Variants in TEP1 observed in about 807,000 individuals in gnomAD.
TEP1 encodes telomerase protein component 1.
Under a neutral mutation model 306.3 loss-of-function variants are expected in TEP1, and 241 were observed. That is an observed-to-expected ratio of 0.79 (90% CI 0.71 to 0.88). The LOEUF (loss-of-function observed/expected upper bound fraction) is 0.88. Ranked by LOEUF, TEP1 falls within the 40% of genes least tolerant of loss-of-function variation. The probability of loss-of-function intolerance (pLI) is 0.00; values close to 1 mark genes in which losing one functional copy is unlikely to be tolerated. For missense variants in TEP1, 3,051 were observed against 3,276.1 expected (o/e 0.93, Z 1.68); for synonymous variants, 1,289 against 1,305.5 (o/e 0.99, Z 0.27).
At position 20,381,667 on chromosome 14, in the gene TEP1, G is replaced by T. The variant is rs1382090800; in HGVS notation, c.4444C>A (p.Leu1482Met). Residue 1482 changes from leucine to methionine, a missense_variant, in exon 31 of 55, where the codon CTG becomes ATG. Physicochemically the swap from Leu to Met is conservative, Grantham distance 15. Around this residue, in one of 3 missense-constraint regions of TEP1, gnomAD observed 1,540 missense variants for 1,705.9 expected, o/e 0.90. Coordinates refer to ENST00000262715, the MANE Select transcript of TEP1 (RefSeq NM_007110.5). This position sits in a 1 kb window ranked among gnomAD's most constrained non-coding sequence, Gnocchi z 4.0. ...CACAGCCGGGCACCAGGGCGCTCCAGAGGGCCCTCCCCTAGCAAACTGTCC... is the reference window on the plus strand; with the variant it reads ...CACAGCCGGGCACCAGGGCGCTCCATAGGGCCCTCCCCTAGCAAACTGTCC... ...SLRSLLGEGPLERPGARLCLP... is the reference protein window; with the variant it reads ...SLRSLLGEGPMERPGARLCLP... 1 of 1,610,040 alleles carries T rather than the reference G, an allele frequency of 6.2e-7. No individual in the cohort carries two copies.
At chr14:20,387,780 A>G (rs1877326202) in intron 18 of TEP1, 125 bp downstream of exon 18, 1 of 1,200,130 alleles carries the variant, frequency 8.3e-7, no homozygotes, top group Non-Finnish European at 1.1e-6. Flanking sequence ...CGCCTGAGAA[A>G]GAGGAAGCAT....
In TEP1 at chr14:20,401,533, AC is replaced by A; in HGVS notation, c.1314del (p.Arg438SerfsTer4). 1 of 1,614,122 alleles carries A rather than the reference AC, an allele frequency of 6.2e-7. No homozygotes were observed. Among genetic ancestry groups the A allele is most frequent in the Non-Finnish European group, 8.5e-7 (1 of 1,180,026 alleles). On this transcript the variant is annotated frameshift_variant, in exon 8 of 55. Coordinates refer to ENST00000262715, the MANE Select transcript of TEP1 (RefSeq NM_007110.5). LOFTEE classifies it high-confidence loss of function. The stretch of plus-strand genomic sequence containing the variant: ...CGCTGAACCAGCTTCTTCAGGGTGA[AC>A]CTTGGAGGATTCTTTTTCTCTGACA... ...DTVSEKKNPPRFTLKKLVQRL... is the reference protein window; with the variant it reads ...DTVSEKKNPPXFTLKKLVQRL...
chr14:20,378,395 C>T lies in TEP1; in HGVS notation c.5493G>A (p.Gly1831=), dbSNP rs1231902624. The T allele has an allele frequency of 3.7e-6, 6 of 1,614,122 alleles. No homozygotes were observed. Among genetic ancestry groups the T allele is most frequent in the Non-Finnish European group, 5.1e-6 (6 of 1,180,044 alleles). The change falls in exon 38 of 55, where the codon GGG becomes GGA. Residue 1831 remains glycine, a synonymous_variant. Coordinates refer to ENST00000262715, the MANE Select transcript of TEP1 (RefSeq NM_007110.5). ...ACCTTCTTACCTTGGTGACTTTGAG[C>T]CCATCCACCTGGAAGAAGCTGATGC... ...AGSISFFQVD[G]LKVTKDLGAP... is the part of the protein sequence containing the mutation.
At position 20,386,760 on chromosome 14, in the gene TEP1, A is replaced by G. The variant is rs1419019898; in HGVS notation, c.2685-137T>C. 5.2e-6 allele frequency: 5 copies of G among 969,468 alleles called. No homozygotes were observed. In the African/African-American group the frequency reaches 6.7e-5, roughly 13 times the overall value. The allele number at this position is 969,468 out of a possible 1,614,324, so 60.1% of individuals were successfully genotyped here. ...GCAGATGGGTGCCCAGCAGGCCTTCAGAGAAGCACCTGCTAGTGGTCTCAA... is the reference window on the plus strand; with the variant it reads ...GCAGATGGGTGCCCAGCAGGCCTTCGGAGAAGCACCTGCTAGTGGTCTCAA... On this transcript the variant is annotated intron_variant, in intron 18 of 54. Coordinates refer to ENST00000262715, the MANE Select transcript of TEP1 (RefSeq NM_007110.5).
At position 20,408,200 on chromosome 14, in the gene TEP1, C is replaced by T. The variant is rs1181765454; in HGVS notation, c.240G>A (p.Gln80=). Reference sequence around the variant, plus strand: ...TCAGGTCAGAAAGTGTGGCCAGGCACTGGTTCTCCAAGGAGAGGATGTCTG... The same window carrying T: ...TCAGGTCAGAAAGTGTGGCCAGGCATTGGTTCTCCAAGGAGAGGATGTCTG... ...AHPDILSLEN[Q]CLATLSDLKT... Residue 80 remains glutamine (Q), a synonymous_variant, in exon 2 of 55, where the codon CAG becomes CAA. Transcript: ENST00000262715. The T allele has an allele frequency of 1.2e-6, 2 of 1,613,262 alleles. No homozygotes were observed. Among genetic ancestry groups the T allele is most frequent in the Non-Finnish European group, 1.7e-6 (2 of 1,179,506 alleles).
intron 21 of TEP1, 93 bp downstream of exon 21, chr14:20,384,892 A>G: frequency 6.3e-7 from 1 of 1,578,512 alleles, no homozygotes; most frequent in Non-Finnish European, 8.6e-7. Flanking sequence ...GCCTCATAGC[A>G]CTCCCCTTCT....
chr14:20,372,398 G>GTC (rs1884902448), intron 49 of TEP1, among the ~76,000 whole-genome samples: 1 of 139,676 alleles, frequency 7.2e-6, no homozygotes, highest in Admixed American at 7.2e-5. Flanking sequence ...GTGTGTGTGT[G>GTC]TGTGTGTGTG....
intron 1 of TEP1, among the ~76,000 whole-genome samples, chr14:20,409,801 A>C (rs904608286): frequency 2.0e-5 from 3 of 152,106 alleles, no homozygotes; most frequent in African/African-American, 7.2e-5. Context: ...CGGGCGGATC[A>C]CAAGGTCAGG....
chr14:20,412,885 C>T (rs981998146), intron 1 of TEP1, among the ~76,000 whole-genome samples: 1 of 151,978 alleles, frequency 6.6e-6, no homozygotes, highest in Non-Finnish European at 1.5e-5. Context: ...GTCTCAAACT[C>T]CTGACCTCAG....
rs1877527850 is a variant in TEP1, at chr14:20,389,647, G to C, written c.2428C>G (p.Leu810Val). The C allele has an allele frequency of 6.2e-7, 1 of 1,614,214 alleles. No homozygotes were observed. Among genetic ancestry groups the C allele is most frequent in the Non-Finnish European group, 8.5e-7 (1 of 1,180,042 alleles). Residue 810 changes from leucine (L) to valine (V), a missense_variant, in exon 16 of 55, where the codon CTC becomes GTC. Around this residue, in one of 3 missense-constraint regions of TEP1, gnomAD observed 1,507 missense variants for 1,550.5 expected, o/e 0.97. Transcript: ENST00000262715. ...LYWQRVNSKC[L>V]FVGILLRRVQ... ...CTTCTTAGGAGGATACCAACAAAGA[G>C]GCACTTGGAATTCACACGCTGCCAG... is the stretch of plus-strand genomic sequence containing the variant.
At position 20,366,725 on chromosome 14, in the gene TEP1, T is replaced by A. The variant is rs997592936; in HGVS notation, c.*1712A>T. The A allele has an allele frequency of 6.6e-6, 1 of 152,184 alleles. No individual in the cohort carries two copies. The highest frequency in any genetic ancestry group is 1.5e-5 in the Non-Finnish European group (1 of 68,036). 9.4% of individuals were successfully genotyped at this position (152,184 alleles called of 1,614,324 possible). On this transcript the variant is annotated 3_prime_UTR_variant, in exon 55 of 55. Coordinates refer to ENST00000262715, the MANE Select transcript of TEP1 (RefSeq NM_007110.5). ...TTTCTAGACCAGGGTGTAGTGGTAT[T>A]TCTCCAAGAGAAACCTACCAAACCA...
In TEP1 at chr14:20,395,609, T is replaced by G. The variant is rs1878133383; in HGVS notation, c.1769A>C (p.Asn590Thr). Residue 590 changes from asparagine to threonine, a missense_variant, in exon 12 of 55, where the codon AAT becomes ACT. Asn to Thr is a moderately conservative substitution (Grantham distance 65, BLOSUM62 0). Around this residue, in one of 3 missense-constraint regions of TEP1, gnomAD observed 1,507 missense variants for 1,550.5 expected, o/e 0.97. Transcript: ENST00000262715. ...TAGTATCCGCCTCATCAGTGTTATA[T>G]TCGAAGGAAAGGGCAATGCTGTATG... ...LRNQALPFPS[N>T]ITLMRRILTR... The G allele has an allele frequency of 6.2e-7, 1 of 1,602,278 alleles. No homozygotes were observed. Among genetic ancestry groups the G allele is most frequent in the Non-Finnish European group, 8.5e-7 (1 of 1,170,192 alleles).
intron 9 of TEP1, among the ~76,000 whole-genome samples, chr14:20,397,614 T>G (rs920594931): frequency 1.3e-5 from 2 of 152,250 alleles, no homozygotes; most frequent in Non-Finnish European, 2.9e-5. Context: ...CAATTTCTTC[T>G]ATTTGATTAG....
chr14:20,384,958 C>T (rs375457392), intron 21 of TEP1, 27 bp downstream of exon 21: 2 of 1,613,970 alleles, frequency 1.2e-6, no homozygotes, highest in Non-Finnish European at 1.7e-6. Context: ...GGGGAAGGAG[C>T]CCCAGCCTGC....
Position 20,381,933 on chromosome 14 carries a change from G to A in TEP1, c.4404C>T (p.Cys1468=), listed in dbSNP as rs1294704364. The A allele has an allele frequency of 1.2e-6, 2 of 1,613,954 alleles. No homozygotes were observed. The highest frequency in any genetic ancestry group is 1.7e-6 in the Non-Finnish European group (2 of 1,180,030). The change falls in exon 30 of 55, where the codon TGC becomes TGT. Residue 1468 remains cysteine (C), a synonymous_variant. Transcript: ENST00000262715. This position sits in a 1 kb window ranked among gnomAD's most constrained non-coding sequence, Gnocchi z 4.0. ...TGTACCTGCGCAGACTCTGGACGAG[G>A]CAGGCAAACGGGCCCATGGGGTAGG... The part of the protein sequence containing the change: ...GDPYPMGPFA[C]LVQSLRSLLG...
chr14:20,410,009 A>G (rs1879517369), intron 1 of TEP1, among the ~76,000 whole-genome samples: 1 of 125,734 alleles, frequency 8.0e-6, no homozygotes, highest in African/African-American at 3.0e-5. Context: ...CGACAGAGCA[A>G]GACTCTGTCT....
chr14:20,379,072 T>C lies in TEP1; in HGVS notation c.5161A>G (p.Ile1721Val). ...EKSVVSGCDG[I>V]SACLFLSDDT... is the part of the protein sequence containing the mutation. ...TCGGAGAGGAACAAACAAGCAGAGA[T>C]TCCATCACAGCCACTCACCACAGAC... Residue 1721 changes from isoleucine to valine, a missense_variant, in exon 36 of 55, where the codon ATC becomes GTC. Around this residue, in one of 3 missense-constraint regions of TEP1, gnomAD observed 1,540 missense variants for 1,705.9 expected, o/e 0.90. Coordinates refer to ENST00000262715, the MANE Select transcript of TEP1 (RefSeq NM_007110.5). 1 of 1,614,084 alleles carries C rather than the reference T, an allele frequency of 6.2e-7. No individual in the cohort carries two copies.
intron 41 of TEP1, 25 bp downstream of exon 41, chr14:20,377,255 A>G: frequency 1.9e-6 from 3 of 1,539,406 alleles, no homozygotes; most frequent in South Asian, 1.2e-5. Flanking sequence ...GTAATTTGTT[A>G]ACCCTGCCCA....
intron 13 of TEP1, 54 bp downstream of exon 13, chr14:20,391,545 A>G (rs1368757272): frequency 6.4e-7 from 1 of 1,566,820 alleles, no homozygotes; most frequent in Non-Finnish European, 8.7e-7. Context: ...ACTGCTCAGG[A>G]TCCCCAGCAT....
Sources: gnomAD v4.1 joint callset for allele counts (sites outside exome capture counted in the v4.1 genomes callset) on GRCh38, gnomAD v4.1.1 for gene constraint, gnomAD v4.1.1 regional missense constraint, Gnocchi (gnomAD v3.1) non-coding constraint, MANE v1.5 for transcripts, NCBI Gene and HGNC (gene_info 2026-07-23, HGNC 2026-07-21) for gene names.